The following FSTL5 variants were observed in gnomAD, a reference collection of about 807,000 sequenced individuals.
FSTL5 encodes the protein follistatin-related protein 5.
Under a neutral mutation model 89.1 loss-of-function variants are expected in FSTL5, and 62 were observed. The observed-to-expected ratio is 0.70, with a 90% confidence interval of 0.57 to 0.86. FSTL5 has a LOEUF of 0.86. Ranked by LOEUF, FSTL5 falls within the 40% of genes least tolerant of loss-of-function variation. The pLI, the probability that FSTL5 is intolerant of heterozygous loss-of-function variation, is 0.00. For synonymous variants in FSTL5, 383 were observed against 346.2 expected, an observed-to-expected ratio of 1.11 and a Z score of -1.18; for missense variants, 1,057 against 1,001.6, an observed-to-expected ratio of 1.06 and a Z score of -0.75.
chr4:162,067,465 A>G (rs1257717368), intron 2 of FSTL5, among the ~76,000 whole-genome samples: 1 of 152,058 alleles, frequency 6.6e-6, no homozygotes, highest in Non-Finnish European at 1.5e-5. Flanking sequence ...GTATCTTTAT[A>G]ATAGAGTGAT....
chr4:161,720,654 A>C (rs1433691820), intron 6 of FSTL5, among the ~76,000 whole-genome samples: 1 of 152,214 alleles, frequency 6.6e-6, no homozygotes, highest in Non-Finnish European at 1.5e-5. Context: ...AAAATAGTGT[A>C]TATTCTTACA....
intron 13 of FSTL5, among the ~76,000 whole-genome samples, chr4:161,469,638 CTA>C (rs1411819195): frequency 0.024 from 2,742 of 115,394 alleles, 84 homozygotes; most frequent in African/African-American, 0.092. Flanking sequence ...CTTTATTTAT[CTA>C]TTTTTTTTTT....
At chr4:161,451,454 T>C (rs1229751962) in intron 15 of FSTL5, among the ~76,000 whole-genome samples, 5 of 152,152 alleles carry the variant, frequency 3.3e-5, no homozygotes, top group African/African-American at 7.2e-5. Context: ...CAGGGAAAAG[T>C]ACAGACTTTT....
intron 15 of FSTL5, among the ~76,000 whole-genome samples, chr4:161,424,970 C>T (rs186652387): frequency 1.5e-3 from 226 of 152,280 alleles, no homozygotes; most frequent in Non-Finnish European, 2.7e-3. Flanking sequence ...TTTTCTTGTT[C>T]CCACCTTACA....
chr4:161,965,926 A>C (rs941066232), intron 3 of FSTL5, among the ~76,000 whole-genome samples: 3 of 152,130 alleles, frequency 2.0e-5, no homozygotes, highest in Non-Finnish European at 4.4e-5. Context: ...CTTAGCTTAT[A>C]AACTTAAGGA....
chr4:161,775,656 G>A lies in FSTL5; in HGVS notation c.606+222C>T, dbSNP rs1005532757. 3.3e-5 allele frequency among the ~76,000 whole-genome samples: 5 copies of A among 152,032 alleles called. No homozygotes were observed. In the East Asian group the frequency reaches 7.7e-4, roughly 23 times the overall value. On this transcript the variant is annotated intron_variant, in intron 5 of 15. Transcript: ENST00000306100. ...TTTAAGATATAGATATCTATCAGAA[G>A]TAGATATCTCTTTTTAAACTGTCAA...
chr4:161,595,383 A>C (rs1194531420), intron 7 of FSTL5, among the ~76,000 whole-genome samples: 2 of 152,068 alleles, frequency 1.3e-5, no homozygotes, highest in Non-Finnish European at 2.9e-5. Context: ...ACACTCCATA[A>C]ATATTTCATC....
At chr4:161,873,744 C>T (rs1732350814) in intron 4 of FSTL5, among the ~76,000 whole-genome samples, 1 of 151,254 alleles carries the variant, frequency 6.6e-6, no homozygotes, top group South Asian at 2.1e-4. Flanking sequence ...TTCATACTTT[C>T]TCACGCAAAA....
At chr4:161,699,559 G>A (rs973655068) in intron 6 of FSTL5, among the ~76,000 whole-genome samples, 2 of 152,144 alleles carry the variant, frequency 1.3e-5, no homozygotes, top group Non-Finnish European at 2.9e-5. Flanking sequence ...TTCAGGTATA[G>A]CTTTTCATTA....
At chr4:161,930,611 A>C (rs1734259167) in intron 3 of FSTL5, among the ~76,000 whole-genome samples, 2 of 151,782 alleles carry the variant, frequency 1.3e-5, no homozygotes, top group African/African-American at 4.8e-5. Flanking sequence ...AGGGTTCACC[A>C]CTGATACAAT....
At chr4:161,663,934 AAAC>A in intron 6 of FSTL5, among the ~76,000 whole-genome samples, 1 of 152,204 alleles carries the variant, frequency 6.6e-6, no homozygotes, top group Non-Finnish European at 1.5e-5. Context: ...CACCACGTGG[AAAC>A]TGCCAAGGCT....
intron 4 of FSTL5, among the ~76,000 whole-genome samples, chr4:161,807,106 G>T (rs1396021107): frequency 1.4e-5 from 1 of 71,080 alleles, no homozygotes; most frequent in African/African-American, 4.4e-5. Context: ...CTGGATACAG[G>T]TTGGTCATTT....
intron 1 of FSTL5, among the ~76,000 whole-genome samples, chr4:162,155,025 G>A (rs1229627031): frequency 6.6e-6 from 1 of 152,118 alleles, no homozygotes. Context: ...GGTACAGTAG[G>A]CAGAACACTA....
intron 6 of FSTL5, among the ~76,000 whole-genome samples, chr4:161,716,812 G>A (rs1488449158): frequency 6.6e-6 from 1 of 152,066 alleles, no homozygotes; most frequent in African/African-American, 2.4e-5. Flanking sequence ...AGTGACTAAG[G>A]TATAATATTT....
chr4:161,721,431 A>G (rs1305220724), intron 6 of FSTL5, among the ~76,000 whole-genome samples: 1 of 152,116 alleles, frequency 6.6e-6, no homozygotes, highest in East Asian at 1.9e-4. Context: ...TGATTAATAT[A>G]TTAATAAAAT....
chr4:161,883,030 A>G (rs965794504), intron 4 of FSTL5, among the ~76,000 whole-genome samples: 1 of 152,204 alleles, frequency 6.6e-6, no homozygotes, highest in African/African-American at 2.4e-5. Context: ...TGAAAAATGT[A>G]TATCTCATCT....
intron 6 of FSTL5, among the ~76,000 whole-genome samples, chr4:161,683,381 T>C (rs1737593233): frequency 6.6e-6 from 1 of 152,148 alleles, no homozygotes; most frequent in Non-Finnish European, 1.5e-5. Context: ...ATAAAATACA[T>C]AATAGATAAT....
chr4:161,647,402 G>C (rs1187940122), intron 7 of FSTL5, among the ~76,000 whole-genome samples: 3 of 152,070 alleles, frequency 2.0e-5, no homozygotes, highest in Middle Eastern at 3.4e-3. Context: ...TTAGTAGTAA[G>C]TTTTGAAATA....
chr4:162,006,103 T>A (rs201358870), intron 3 of FSTL5, among the ~76,000 whole-genome samples: 8,563 of 151,986 alleles, frequency 0.056, 659 homozygotes, highest in African/African-American at 0.18. Context: ...AGGCTTTTTT[T>A]TTAAAATATT....
Sources: allele counts gnomAD v4.1 joint callset (sites outside exome capture counted in the v4.1 genomes callset), GRCh38; gene constraint gnomAD v4.1.1; transcripts MANE v1.5; gene names NCBI Gene and HGNC (gene_info 2026-07-23, HGNC 2026-07-21).